BAIAP2L1: variants seen among roughly 807,000 people sequenced by gnomAD.
BAIAP2L1 encodes BAR/IMD domain containing adaptor protein 2 like 1, also known as BAR/IMD domain-containing adapter protein 2-like 1.
BAIAP2L1 carries 35 observed loss-of-function variants against 66.3 expected under a neutral mutation model. That is an observed-to-expected ratio of 0.53 (90% CI 0.40 to 0.70). The LOEUF is 0.70. Among genes scored for constraint, BAIAP2L1 ranks in the 30% least tolerant of loss-of-function variants. BAIAP2L1 has a pLI of 0.00. For synonymous variants in BAIAP2L1, 269 were observed against 248.7 expected (o/e 1.08, Z -0.77); for missense variants, 622 against 656.9 (o/e 0.95, Z 0.58).
At chr7:98,304,058 C>CCCCTCCT (rs1284557111) in intron 12 of BAIAP2L1, 138 bp downstream of exon 12, 1 of 869,074 alleles carries the variant, frequency 1.2e-6, no homozygotes, top group South Asian at 2.2e-5. Context: ...GGCAGCAAGT[C>CCCCTCCT]CCCTCCTCCC....
At chr7:98,357,421 G>C (rs995568817) in intron 2 of BAIAP2L1, among the ~76,000 whole-genome samples, 8 of 151,198 alleles carry the variant, frequency 5.3e-5, no homozygotes, top group Non-Finnish European at 1.0e-4. Context: ...ACAAAAATTA[G>C]CCGGGCATGG....
intron 1 of BAIAP2L1, among the ~76,000 whole-genome samples, chr7:98,377,731 T>C (rs1802666376): frequency 1.4e-5 from 2 of 139,618 alleles, no homozygotes; most frequent in South Asian, 4.5e-4. Flanking sequence ...GGCAGGAGAA[T>C]CACTTAAACT....
At chr7:98,302,034 C>T (rs1410028003) in intron 12 of BAIAP2L1, among the ~76,000 whole-genome samples, 1 of 152,130 alleles carries the variant, frequency 6.6e-6, no homozygotes, top group Non-Finnish European at 1.5e-5. Flanking sequence ...GTGCACCGTG[C>T]GCTGGCAGTC....
Position 98,355,209 on chromosome 7 carries a change from C to G in BAIAP2L1, c.128-81G>C, listed in dbSNP as rs139514990. 2.0e-5 allele frequency: 19 copies of G among 968,184 alleles called. No individual in the cohort carries two copies. The African/African-American group carries it at 2.9e-4, about 15-fold the overall frequency. 60.0% of individuals were successfully genotyped at this position (968,184 alleles called of 1,614,324 possible). A position where few individuals can be genotyped will look rare whatever the true frequency, so the allele number is the denominator to read the frequency against. ...AACACAAGTTTTCTTCCAAACACCC[C>G]CTGGTCCCTTCTGGCTGCAGGAAGG... On this transcript the variant is annotated intron_variant, in intron 2 of 13. Coordinates refer to ENST00000005260, the MANE Select transcript of BAIAP2L1 (RefSeq NM_018842.5).
Position 98,350,614 on chromosome 7 carries a change from G to A in BAIAP2L1, c.214+4428C>T, listed in dbSNP as rs373462394. On this transcript the variant is annotated intron_variant, in intron 3 of 13. Coordinates refer to ENST00000005260, the MANE Select transcript of BAIAP2L1 (RefSeq NM_018842.5). ...ACAGAGGTTGCAGTGAGTCAAGATCGCGCCACTGCACTCCAGCCTGGGCGA... is the reference window on the plus strand; with the variant it reads ...ACAGAGGTTGCAGTGAGTCAAGATCACGCCACTGCACTCCAGCCTGGGCGA... Among the ~76,000 whole-genome samples, 150 of 152,222 alleles carry A rather than the reference G, an allele frequency of 9.9e-4. 1 individual carries two copies. The highest frequency in any genetic ancestry group is 2.9e-3 in the African/African-American group (119 of 41,546).
chr7:98,350,358 A>G (rs117340735), intron 3 of BAIAP2L1, among the ~76,000 whole-genome samples: 1 of 152,002 alleles, frequency 6.6e-6, no homozygotes, highest in Non-Finnish European at 1.5e-5. Flanking sequence ...GCTTAAAAAA[A>G]AAAACAAAAC....
At chr7:98,354,385 G>C (rs886378991) in intron 3 of BAIAP2L1, among the ~76,000 whole-genome samples, 9 of 152,038 alleles carry the variant, frequency 5.9e-5, no homozygotes, top group African/African-American at 2.2e-4. Flanking sequence ...ATTTTCCTCC[G>C]GTTAAGCCAG....
At chr7:98,377,403 G>A (rs1404519025) in intron 1 of BAIAP2L1, among the ~76,000 whole-genome samples, 1 of 152,164 alleles carries the variant, frequency 6.6e-6, no homozygotes, top group African/African-American at 2.4e-5. Flanking sequence ...GACAGCAACT[G>A]TAGCCATTTC....
intron 1 of BAIAP2L1, among the ~76,000 whole-genome samples, chr7:98,391,687 C>A (rs1269899833): frequency 7.4e-6 from 1 of 135,198 alleles, no homozygotes; most frequent in African/African-American, 2.8e-5. Context: ...CCAGCCTGGG[C>A]GACAGAGTGA....
At chr7:98,348,461 G>A (rs1184019679) in intron 3 of BAIAP2L1, among the ~76,000 whole-genome samples, 4 of 151,638 alleles carry the variant, frequency 2.6e-5, no homozygotes, top group South Asian at 2.1e-4. Context: ...CAGCTACTCA[G>A]GAGGATGCAT....
At chr7:98,395,453 A>AG (rs397831522) in intron 1 of BAIAP2L1, among the ~76,000 whole-genome samples, 4 of 149,254 alleles carry the variant, frequency 2.7e-5, no homozygotes, top group African/African-American at 9.8e-5. Flanking sequence ...AAAAAAAAAA[A>AG]GTTAGGAGAG....
chr7:98,383,979 C>A (rs995158822), intron 1 of BAIAP2L1, among the ~76,000 whole-genome samples: 1 of 151,822 alleles, frequency 6.6e-6, no homozygotes, highest in Non-Finnish European at 1.5e-5. Flanking sequence ...CAAGGTGAAA[C>A]CCTGTCTCTA....
intron 1 of BAIAP2L1, among the ~76,000 whole-genome samples, chr7:98,368,610 G>A (rs191987457): frequency 7.2e-5 from 11 of 152,196 alleles, no homozygotes; most frequent in African/African-American, 2.2e-4. Context: ...AGAATCATTT[G>A]AACCTAGGAG....
At chr7:98,365,628 G>A (rs577204357) in intron 1 of BAIAP2L1, among the ~76,000 whole-genome samples, 6 of 152,170 alleles carry the variant, frequency 3.9e-5, no homozygotes, top group South Asian at 4.1e-4. Context: ...ACAGGCATGC[G>A]CCACCACGCC....
At chr7:98,332,251 C>T (rs1239553473) in intron 3 of BAIAP2L1, among the ~76,000 whole-genome samples, 4 of 150,760 alleles carry the variant, frequency 2.7e-5, no homozygotes, top group East Asian at 2.0e-4. Flanking sequence ...GGTGTGGTGG[C>T]GCACACCTGT....
intron 12 of BAIAP2L1, among the ~76,000 whole-genome samples, chr7:98,297,236 C>A (rs1310404083): frequency 1.3e-5 from 2 of 152,274 alleles, no homozygotes; most frequent in Non-Finnish European, 2.9e-5. Flanking sequence ...TGTGTGGACA[C>A]TGGCTGACCA....
intron 12 of BAIAP2L1, among the ~76,000 whole-genome samples, chr7:98,294,460 C>T (rs990763005): frequency 1.3e-5 from 2 of 152,312 alleles, no homozygotes; most frequent in African/African-American, 4.8e-5. Flanking sequence ...GGTGTCAGAG[C>T]GTGAACAGAG....
At chr7:98,391,600 T>C (rs1476602672) in intron 1 of BAIAP2L1, among the ~76,000 whole-genome samples, 2 of 151,484 alleles carry the variant, frequency 1.3e-5, no homozygotes, top group Non-Finnish European at 2.9e-5. Context: ...TAGTCCCAGT[T>C]ACTCGGGAGG....
At chr7:98,393,082 C>CAT (rs200044762) in intron 1 of BAIAP2L1, among the ~76,000 whole-genome samples, 2 of 108,932 alleles carry the variant, frequency 1.8e-5, no homozygotes, top group South Asian at 3.7e-4. Flanking sequence ...TATACACACA[C>CAT]ATATATACAT....
Sources: allele counts gnomAD v4.1 joint callset (sites outside exome capture counted in the v4.1 genomes callset), GRCh38; gene constraint gnomAD v4.1.1; transcripts MANE v1.5; gene names NCBI Gene and HGNC (gene_info 2026-07-23, HGNC 2026-07-21).